The following CYB5R4 variants were observed in gnomAD, a reference collection of about 807,000 sequenced individuals.
The protein encoded by CYB5R4 is N-terminal cytochrome b5 and cytochrome b5 oxidoreductase domain-containing protein.
CYB5R4 carries 55 observed loss-of-function variants against 70.2 expected under a neutral mutation model. The observed-to-expected ratio is 0.78, with a 90% confidence interval of 0.63 to 0.98. The LOEUF (loss-of-function observed/expected upper bound fraction) is 0.98, where lower values mean the gene tolerates loss of function less well. Among genes scored for constraint, CYB5R4 ranks in the 50% least tolerant of loss-of-function variants. CYB5R4 has a pLI of 0.00. For missense variants in CYB5R4, 562 were observed against 612.6 expected, an observed-to-expected ratio of 0.92 and a Z score of 0.87; for synonymous variants, 197 against 199.5, an observed-to-expected ratio of 0.99 and a Z score of 0.11.
chr6:83,929,395 T>C (rs1219257769), intron 10 of CYB5R4: 1 of 152,198 alleles, frequency 6.6e-6, no homozygotes, highest in Non-Finnish European at 1.5e-5. Context: ...ACTTTTAATA[T>C]AATGTTTTCA....
intron 2 of CYB5R4, among the ~76,000 whole-genome samples, chr6:83,892,291 C>T (rs1222285799): frequency 6.6e-6 from 1 of 152,102 alleles, no homozygotes; most frequent in Admixed American, 6.6e-5. Flanking sequence ...CAAAAAACTG[C>T]AGTACTTTTC....
chr6:83,937,962 C>G (rs2129142746), intron 12 of CYB5R4, among the ~76,000 whole-genome samples: 1 of 152,278 alleles, frequency 6.6e-6, no homozygotes, highest in South Asian at 2.1e-4. Context: ...CAAAAGTGTT[C>G]CTCTTTCCAA....
chr6:83,922,561 T>A (rs1434648657), intron 9 of CYB5R4, 91 bp downstream of exon 9: 1 of 864,026 alleles, frequency 1.2e-6, no homozygotes, highest in Non-Finnish European at 1.9e-6. Context: ...AAATTAGCAT[T>A]TGTTTTATTT....
At chr6:83,900,498 C>A (rs1342016272) in intron 3 of CYB5R4, among the ~76,000 whole-genome samples, 2 of 152,108 alleles carry the variant, frequency 1.3e-5, no homozygotes, top group African/African-American at 4.8e-5. Context: ...TGGTGCAGAG[C>A]TGAGTTCAAT....
At position 83,910,316 on chromosome 6, in the gene CYB5R4, A is replaced by T. The variant is rs949501655; in HGVS notation, c.412+1226A>T. On this transcript the variant is annotated intron_variant, in intron 4 of 15. Transcript: ENST00000369681. Reference sequence around the variant, plus strand: ...ATTTAGGTAGACAAAGCACAAGCTCAGAGACTAACTGATAGGGGAGAAGTA... The same window carrying T: ...ATTTAGGTAGACAAAGCACAAGCTCTGAGACTAACTGATAGGGGAGAAGTA... 14 of 602,062 alleles carry T rather than the reference A, an allele frequency of 2.3e-5. No individual in the cohort carries two copies. In the South Asian group the frequency reaches 2.8e-4, roughly 12 times the overall value. The allele number at this position is 602,062 out of a possible 1,614,324, so 37.3% of individuals were successfully genotyped here. A position where few individuals can be genotyped will look rare whatever the true frequency, so the allele number is the denominator to read the frequency against.
rs370464646 is a variant in CYB5R4 at position 83,909,113 on chromosome 6, C to G, written c.412+23C>G. On this transcript the variant is annotated intron_variant, in intron 4 of 15. Coordinates refer to ENST00000369681, the MANE Select transcript of CYB5R4 (RefSeq NM_016230.4). ...AAGGTAAGTGGTGCTGGTGCTAAAC[C>G]AGCATGGATGTGTGGTGCACATGTA... 3,156 of 1,595,190 alleles carry G rather than the reference C, an allele frequency of 2.0e-3. 8 individuals carry two copies. Among genetic ancestry groups the G allele is most frequent in the Non-Finnish European group, 2.3e-3 (2,726 of 1,163,068 alleles).
intron 2 of CYB5R4, among the ~76,000 whole-genome samples, chr6:83,878,647 T>C (rs1235015432): frequency 1.3e-5 from 2 of 152,134 alleles, no homozygotes; most frequent in East Asian, 1.9e-4. Flanking sequence ...CGCCCAGCCG[T>C]GTTTTGTAAT....
intron 11 of CYB5R4, among the ~76,000 whole-genome samples, 181 bp from the exon 12 acceptor site, chr6:83,936,043 C>A (rs1014329475): frequency 6.6e-6 from 1 of 151,706 alleles, no homozygotes; most frequent in Admixed American, 6.6e-5. Context: ...AAAATTGTTT[C>A]GGCACACATA....
intron 10 of CYB5R4, among the ~76,000 whole-genome samples, chr6:83,931,079 A>G (rs2129141588): frequency 6.6e-6 from 1 of 152,316 alleles, no homozygotes; most frequent in South Asian, 2.1e-4. Context: ...TCGCTTTCTT[A>G]TCAGATCATT....
At chr6:83,954,148 G>A (rs2129145659) in intron 14 of CYB5R4, among the ~76,000 whole-genome samples, 1 of 152,178 alleles carries the variant, frequency 6.6e-6, no homozygotes, top group East Asian at 1.9e-4. Flanking sequence ...CCTTCATTCA[G>A]AAAACCCAGG....
At position 83,959,986 on chromosome 6, in the gene CYB5R4, A is replaced by C. The variant is rs1382878997; in HGVS notation, c.*108A>C. 4 of 799,250 alleles carry C rather than the reference A, an allele frequency of 5.0e-6. No homozygotes were observed. The highest frequency in any genetic ancestry group is 7.5e-6 in the Non-Finnish European group (4 of 533,462). The allele number at this position is 799,250 out of a possible 1,614,324, so 49.5% of individuals were successfully genotyped here. A position where few individuals can be genotyped will look rare whatever the true frequency, so the allele number is the denominator to read the frequency against. On this transcript the variant is annotated 3_prime_UTR_variant, in exon 16 of 16. Coordinates refer to ENST00000369681, the MANE Select transcript of CYB5R4 (RefSeq NM_016230.4). ...CATAACAAAAGGTTAACTAGAATCC[A>C]GCCTTCAGTTTCTTAAATGAAATCA...
Position 83,962,057 on chromosome 6 carries a change from G to C in CYB5R4, c.*2179G>C, listed in dbSNP as rs1187741840. 1 of 152,054 alleles carries C rather than the reference G, an allele frequency of 6.6e-6. No individual in the cohort carries two copies. Among genetic ancestry groups the C allele is most frequent in the Non-Finnish European group, 1.5e-5 (1 of 68,020 alleles). The allele number at this position is 152,054 out of a possible 1,614,324, so 9.4% of individuals were successfully genotyped here. On this transcript the variant is annotated 3_prime_UTR_variant, in exon 16 of 16. Transcript: ENST00000369681. ...ATGGGAGTGACTAATTTGAGAATCAGCTGAGCTTCAGTTTTCAATATCCAT... is the reference window on the plus strand; with the variant it reads ...ATGGGAGTGACTAATTTGAGAATCACCTGAGCTTCAGTTTTCAATATCCAT...
chr6:83,900,717 T>C (rs1482637136), intron 3 of CYB5R4, among the ~76,000 whole-genome samples: 1 of 152,218 alleles, frequency 6.6e-6, no homozygotes, highest in Non-Finnish European at 1.5e-5. Flanking sequence ...TTTACCATTA[T>C]GTAATGGCCT....
At chr6:83,886,298 A>G (rs963383415) in intron 2 of CYB5R4, among the ~76,000 whole-genome samples, 1 of 152,210 alleles carries the variant, frequency 6.6e-6, no homozygotes, top group African/African-American at 2.4e-5. Flanking sequence ...AGGCCCTACC[A>G]TTCAGTACTG....
intron 5 of CYB5R4, among the ~76,000 whole-genome samples, chr6:83,917,690 T>G (rs1012520503): frequency 6.6e-6 from 1 of 152,138 alleles, no homozygotes; most frequent in African/African-American, 2.4e-5. Context: ...AGAGAACATG[T>G]GTTATCATTC....
intron 3 of CYB5R4, among the ~76,000 whole-genome samples, chr6:83,907,171 G>A (rs982040435): frequency 2.0e-5 from 3 of 152,026 alleles, no homozygotes; most frequent in Non-Finnish European, 2.9e-5. Context: ...GAACTCCTGG[G>A]CTCAAGTGAT....
In CYB5R4 at chr6:83,959,854, T is replaced by C. The variant is rs761050775; in HGVS notation, c.1542T>C (p.Asn514=). The C allele has an allele frequency of 6.2e-6, 10 of 1,601,414 alleles. No homozygotes were observed. The highest frequency in any genetic ancestry group is 8.5e-6 in the Non-Finnish European group (10 of 1,174,714). ...TGCATGATCTCAACTTTTCCAAAAATGAGATCCATAGTTTTACAGCATAAT... is the reference window on the plus strand; with the variant it reads ...TGCATGATCTCAACTTTTCCAAAAACGAGATCCATAGTTTTACAGCATAAT... ...RLLHDLNFSK[N]EIHSFTA The change falls in exon 16 of 16, where the codon AAT becomes AAC. Residue 514 remains asparagine (N), a synonymous_variant. Transcript: ENST00000369681.
At chr6:83,901,558 C>G (rs2099462960) in intron 3 of CYB5R4, among the ~76,000 whole-genome samples, 1 of 152,138 alleles carries the variant, frequency 6.6e-6, no homozygotes. Context: ...AGAGTGTTTT[C>G]CAACTTGTTT....
intron 8 of CYB5R4, among the ~76,000 whole-genome samples, chr6:83,921,830 G>A (rs2099466430): frequency 6.6e-6 from 1 of 152,184 alleles, no homozygotes; most frequent in African/African-American, 2.4e-5. Flanking sequence ...TGAACACAGT[G>A]AAATTTACAG....
Sources: allele counts gnomAD v4.1 joint callset (sites outside exome capture counted in the v4.1 genomes callset), GRCh38; gene constraint gnomAD v4.1.1; transcripts MANE v1.5; gene names NCBI Gene and HGNC (gene_info 2026-07-23, HGNC 2026-07-21).